The following RBM39 variants were observed in gnomAD, a reference collection of about 807,000 sequenced individuals.
The protein encoded by RBM39 is RNA binding motif protein 39, also known as RNA-binding protein 39.
In RBM39, 12 loss-of-function variants were observed where a neutral mutation model predicts 79.6. The observed-to-expected ratio is 0.15, with a 90% CI of 0.10 to 0.24. RBM39 has a LOEUF of 0.24. Ranked by LOEUF, RBM39 falls within the 10% of genes least tolerant of loss-of-function variation. The probability of loss-of-function intolerance (pLI) is 1.00; values close to 1 mark genes in which losing one functional copy is unlikely to be tolerated. For synonymous variants in RBM39, 185 were observed against 208.4 expected (o/e 0.89, Z 0.97); for missense variants, 243 against 653.4 (o/e 0.37, Z 6.85).
At chr20:35,722,421 TAAAAAAA>T (rs1284227161) in intron 8 of RBM39, among the ~76,000 whole-genome samples, 3 of 90,248 alleles carry the variant, frequency 3.3e-5, no homozygotes, top group African/African-American at 9.9e-5. Flanking sequence ...AAAATAAAAA[TAAAAAAA>T]AAAATAAAAA....
intron 3 of RBM39, among the ~76,000 whole-genome samples, chr20:35,738,192 C>T (rs772564091): frequency 1.0e-3 from 154 of 151,832 alleles, no homozygotes; most frequent in Middle Eastern, 3.2e-3. Flanking sequence ...CACTTGAACC[C>T]AGGAGGCGGA....
rs369179631 is a variant in RBM39 at position 35,716,808 on chromosome 20, A to G, written c.826-3T>C. On this transcript the variant is annotated splice_region_variant and splice_polypyrimidine_tract_variant and intron_variant, in intron 9 of 16. Coordinates refer to ENST00000253363, the MANE Select transcript of RBM39 (RefSeq NM_184234.3). ...ATCATCAGCTGGATACTTTCAATCT[A>G]TAATTGAAAAGCATAATTACTATAA... is the stretch of plus-strand genomic sequence containing the variant. 103 of 1,586,140 alleles carry G rather than the reference A, an allele frequency of 6.5e-5. No individual in the cohort carries two copies. Among genetic ancestry groups the G allele is most frequent in the Middle Eastern group, 1.7e-4 (1 of 6,022 alleles).
At chr20:35,727,720 G>C (rs1416220764) in intron 6 of RBM39, among the ~76,000 whole-genome samples, 1 of 150,928 alleles carries the variant, frequency 6.6e-6, no homozygotes, top group Non-Finnish European at 1.5e-5. Context: ...CGCGATCTCG[G>C]CTCACTGCAA....
chr20:35,729,430 A>C (rs1471753863), intron 5 of RBM39, 32 bp downstream of exon 5: 1 of 1,608,694 alleles, frequency 6.2e-7, no homozygotes, highest in East Asian at 2.2e-5. Flanking sequence ...CTTGAAAAAC[A>C]ATTTAAACAA....
chr20:35,704,769 G>C, intron 15 of RBM39, 23 bp from the exon 16 acceptor site: 2 of 1,600,896 alleles, frequency 1.2e-6, no homozygotes, highest in Non-Finnish European at 1.7e-6. Context: ...TGAAAAAAAA[G>C]GTAAAGATGT....
At position 35,703,081 on chromosome 20, in the gene RBM39, GTATTTGAAGATAAGC is replaced by G. The variant is rs1273777759; in HGVS notation, c.*1385_*1399del. The G allele has an allele frequency of 2.6e-5, 4 of 152,224 alleles. No individual in the cohort carries two copies. The highest frequency in any genetic ancestry group is 9.6e-5 in the African/African-American group (4 of 41,550). 9.4% of individuals were successfully genotyped at this position (152,224 alleles called of 1,614,324 possible). On this transcript the variant is annotated 3_prime_UTR_variant, in exon 17 of 17. Coordinates refer to ENST00000253363, the MANE Select transcript of RBM39 (RefSeq NM_184234.3). ...TTGAACAAATGAGGTAAGGAACTCA[GTATTTGAAGATAAGC>G]TAGGAGCAGCATTTCCTACTCAAAA... is the stretch of plus-strand genomic sequence containing the variant.
intron 8 of RBM39, among the ~76,000 whole-genome samples, chr20:35,724,107 G>A (rs2038354322): frequency 6.6e-6 from 1 of 151,978 alleles, no homozygotes; most frequent in African/African-American, 2.4e-5. Flanking sequence ...TGGGGCAGGT[G>A]GATCACCTGA....
chr20:35,725,363 A>G (rs1024145898), intron 6 of RBM39, among the ~76,000 whole-genome samples: 28 of 152,116 alleles, frequency 1.8e-4, no homozygotes, highest in African/African-American at 5.3e-4. Flanking sequence ...TCCCAACTCC[A>G]CAACAATATT....
At chr20:35,723,604 A>G (rs777779910) in intron 8 of RBM39, among the ~76,000 whole-genome samples, 5 of 152,096 alleles carry the variant, frequency 3.3e-5, no homozygotes, top group Admixed American at 1.3e-4. Flanking sequence ...ATGCCCAGCT[A>G]ATTTTTGCAT....
intron 2 of RBM39, chr20:35,739,659 G>T: frequency 2.7e-6 from 1 of 374,592 alleles, no homozygotes; most frequent in African/African-American, 2.1e-5. Context: ...TTCCATACCT[G>T]TTTACATGGA....
In RBM39 at chr20:35,704,434, T is replaced by A. The variant is rs1455527261; in HGVS notation, c.*47A>T. On this transcript the variant is annotated 3_prime_UTR_variant, in exon 17 of 17. Transcript: ENST00000253363. ...AAATAAAAGATAACTCAAGATGAAT[T>A]CTCAAGAAAGAAAAAAAGCTATATA... The A allele has an allele frequency of 7.6e-7, 1 of 1,321,592 alleles. No homozygotes were observed. The highest frequency in any genetic ancestry group is 1.1e-6 in the Non-Finnish European group (1 of 944,218). The allele number at this position is 1,321,592 out of a possible 1,614,324, so 81.9% of individuals were successfully genotyped here.
intron 10 of RBM39, among the ~76,000 whole-genome samples, 172 bp from the exon 11 acceptor site, chr20:35,714,561 T>G (rs540202314): frequency 1.7e-3 from 254 of 152,330 alleles, no homozygotes; most frequent in African/African-American, 5.9e-3. Context: ...CGACGCTAGC[T>G]AACGCAAATT....
At chr20:35,724,400 G>A (rs1431905122) in intron 8 of RBM39, among the ~76,000 whole-genome samples, 170 bp downstream of exon 8, 1 of 144,890 alleles carries the variant, frequency 6.9e-6, no homozygotes, top group Non-Finnish European at 1.5e-5. Flanking sequence ...ACAGTCTTGA[G>A]AAAACTGTAT....
intron 2 of RBM39, 41 bp from the exon 3 acceptor site, chr20:35,739,058 G>A (rs778955213): frequency 9.8e-6 from 15 of 1,526,398 alleles, no homozygotes; most frequent in African/African-American, 2.7e-5. Flanking sequence ...GGACGAAGTG[G>A]TAACATTTCA....
At chr20:35,716,936 T>C in intron 9 of RBM39, 131 bp from the exon 10 acceptor site, 3 of 597,852 alleles carry the variant, frequency 5.0e-6, no homozygotes, top group Non-Finnish European at 8.9e-6. Context: ...CAAAACCTCA[T>C]CACCAAGAAG....
chr20:35,736,868 G>C lies in RBM39; in HGVS notation c.101+2100C>G, dbSNP rs1256856524. On this transcript the variant is annotated intron_variant, in intron 3 of 16. Coordinates refer to ENST00000253363, the MANE Select transcript of RBM39 (RefSeq NM_184234.3). Reference sequence around the variant, plus strand: ...GGGTTTCACCATGTTGGCCAGGATGGTCTCGATCTCCTGACCTTGTGATCC... The same window carrying C: ...GGGTTTCACCATGTTGGCCAGGATGCTCTCGATCTCCTGACCTTGTGATCC... Among the ~76,000 whole-genome samples, 3 of 151,654 alleles carry C rather than the reference G, an allele frequency of 2.0e-5. No homozygotes were observed. In the East Asian group the frequency reaches 6.0e-4, roughly 30 times the overall value.
intron 14 of RBM39, 42 bp downstream of exon 14, chr20:35,707,078 A>G (rs771950144): frequency 7.5e-6 from 7 of 932,946 alleles, no homozygotes; most frequent in Non-Finnish European, 9.8e-6. Flanking sequence ...AACTCTATTG[A>G]CGCCTTGATA....
intron 6 of RBM39, 125 bp from the exon 7 acceptor site, chr20:35,725,280 G>A (rs1378053173): frequency 4.9e-6 from 3 of 612,804 alleles, no homozygotes; most frequent in African/African-American, 3.7e-5. Flanking sequence ...ACATAGATGA[G>A]TTCTTTAATG....
At chr20:35,736,663 T>A in intron 3 of RBM39, 2 of 455,572 alleles carry the variant, frequency 4.4e-6, no homozygotes, top group South Asian at 3.2e-5. Flanking sequence ...GATTTTTATG[T>A]TTGTTTGAGA....
Sources: allele counts gnomAD v4.1 joint callset (sites outside exome capture counted in the v4.1 genomes callset), GRCh38; gene constraint gnomAD v4.1.1; transcripts MANE v1.5; gene names NCBI Gene and HGNC (gene_info 2026-07-23, HGNC 2026-07-21).